Variants in OPTN observed in about 807,000 individuals in gnomAD.
OPTN encodes the protein optineurin, also known as E3-14.7K-interacting protein.
A neutral mutation model predicts 70.4 loss-of-function variants in OPTN; 54 were observed. The observed-to-expected ratio is 0.77, with a 90% confidence interval of 0.62 to 0.96. The LOEUF is 0.96. Among genes scored for constraint, OPTN ranks in the 40% least tolerant of loss-of-function variants. OPTN has a pLI of 0.00. For missense variants in OPTN, 624 were observed against 673.2 expected (o/e 0.93, Z 0.81); for synonymous variants, 256 against 248.5 (o/e 1.03, Z -0.28).
rs376178813 is a variant in OPTN at position 13,118,924 on chromosome 10, G to A, written c.663G>A (p.Gly221=). ...AATATAGGAGCAGATCTGCAGATGG[G>A]GCCAAGAATTACTTCGAACATGAGG... is the stretch of plus-strand genomic sequence containing the variant. ...LSKYRSRSAD[G]AKNYFEHEEL... Residue 221 remains glycine (G), a synonymous_variant, in exon 7 of 15, where the codon GGG becomes GGA. Transcript: ENST00000378747. 1.5e-5 allele frequency: 24 copies of A among 1,613,970 alleles called. No individual in the cohort carries two copies. Among genetic ancestry groups the A allele is most frequent in the African/African-American group, 2.7e-5 (2 of 74,918 alleles).
At position 13,104,254 on chromosome 10, in the gene OPTN, C is replaced by CT. The variant is rs60982439; in HGVS notation, c.-163-3863dup. On this transcript the variant is annotated intron_variant, in intron 1 of 14. Transcript: ENST00000378747. ...AAATCAGTTAAATTAGTTTTTTTTT[C>CT]TTTTTTTTTTTTTTTTTTTTTGTGA... 1.6e-3 allele frequency among the ~76,000 whole-genome samples: 154 copies of CT among 97,826 alleles called. 3 individuals are homozygous for CT. Among genetic ancestry groups the CT allele is most frequent in the African/African-American group, 5.7e-3 (142 of 25,128 alleles). The allele number at this position is 97,826 out of a possible 152,430, so 64.2% of individuals were successfully genotyped here.
chr10:13,111,683 G>A (rs1833002209), intron 4 of OPTN, among the ~76,000 whole-genome samples: 1 of 151,640 alleles, frequency 6.6e-6, no homozygotes, highest in Admixed American at 6.6e-5. Context: ...GCGACAGAGT[G>A]AGACTCTGTC....
rs1588438520 is a variant in OPTN, at chr10:13,114,823, T to TGTAGA, written c.553-1444_553-1443insGTAGA. Among the ~76,000 whole-genome samples, 4 of 108,828 alleles carry TGTAGA rather than the reference T, an allele frequency of 3.7e-5. 2 individuals carry two copies. The East Asian group carries it at 1.1e-3, about 30-fold the overall frequency. 71.4% of individuals were successfully genotyped at this position (108,828 alleles called of 152,430 possible). A position where few individuals can be genotyped will look rare whatever the true frequency, so the allele number is the denominator to read the frequency against. On this transcript the variant is annotated intron_variant, in intron 5 of 14. Coordinates refer to ENST00000378747, the MANE Select transcript of OPTN (RefSeq NM_001008212.2). ...ATATACATATATATAATTATATAAT[T>TGTAGA]ATATAATTATATAATTATATAATTG...
intron 12 of OPTN, among the ~76,000 whole-genome samples, chr10:13,128,785 C>T (rs929485689): frequency 6.6e-6 from 1 of 151,880 alleles, no homozygotes; most frequent in Non-Finnish European, 1.5e-5. Flanking sequence ...TCAGGTGATC[C>T]ACCCACTTCC....
At chr10:13,123,518 G>A (rs563284573) in intron 8 of OPTN, among the ~76,000 whole-genome samples, 2 of 152,254 alleles carry the variant, frequency 1.3e-5, no homozygotes, top group Middle Eastern at 3.4e-3. Flanking sequence ...CCAGTAGCAG[G>A]GAAATATGGT....
chr10:13,104,884 G>A lies in OPTN; in HGVS notation c.-163-3254G>A, dbSNP rs138434140. 110 of 296,552 alleles carry A rather than the reference G, an allele frequency of 3.7e-4. 1 individual carries two copies. Among genetic ancestry groups the A allele is most frequent in the African/African-American group, 1.9e-3 (84 of 44,268 alleles). 18.4% of individuals were successfully genotyped at this position (296,552 alleles called of 1,614,324 possible). On this transcript the variant is annotated intron_variant, in intron 1 of 14. Transcript: ENST00000378747. ...CATGGGGGTGACCAGGGGCCCGACC[G>A]CAGGACCGGGAGGCGAGTCGGCCAG...
intron 12 of OPTN, 105 bp downstream of exon 12, chr10:13,128,008 AT>A: frequency 2.2e-6 from 3 of 1,355,666 alleles, no homozygotes; most frequent in Non-Finnish European, 3.1e-6. Context: ...TATTTTATAT[AT>A]TTTTTCACCC....
intron 11 of OPTN, 21 bp downstream of exon 11, chr10:13,126,060 C>A: frequency 2.2e-6 from 3 of 1,374,450 alleles, no homozygotes; most frequent in Non-Finnish European, 3.1e-6. Context: ...AAAAAAATTA[C>A]TTCCATAGCC....
intron 5 of OPTN, among the ~76,000 whole-genome samples, chr10:13,115,240 T>TATTTACATATATATATAAATATAG (rs1564359523): frequency 2.3e-5 from 2 of 86,338 alleles, no homozygotes; most frequent in African/African-American, 9.8e-5. Flanking sequence ...GATATATCTA[T>TATTTACATATATATATAAATATAG]ATATATCTAT....
At chr10:13,102,948 A>T (rs527452946) in intron 1 of OPTN, among the ~76,000 whole-genome samples, 95 of 16,516 alleles carry the variant, frequency 5.8e-3, no homozygotes, top group African/African-American at 7.1e-3. Context: ...GTCTTAATTT[A>T]AAAAAAAAAA....
At chr10:13,132,313 A>T in intron 13 of OPTN, 116 bp downstream of exon 13, 2 of 1,083,932 alleles carry the variant, frequency 1.8e-6, no homozygotes, top group Admixed American at 2.1e-5. Flanking sequence ...GCGCCACTGC[A>T]CTCCTGCCTA....
chr10:13,128,923 C>CA (rs1833532307), intron 12 of OPTN, among the ~76,000 whole-genome samples: 1 of 152,228 alleles, frequency 6.6e-6, no homozygotes, highest in African/African-American at 2.4e-5. Context: ...TTTTCACTCT[C>CA]ATAAAGGTGT....
intron 9 of OPTN, among the ~76,000 whole-genome samples, chr10:13,125,171 A>G (rs1833431284): frequency 1.3e-5 from 2 of 152,232 alleles, no homozygotes; most frequent in African/African-American, 4.8e-5. Flanking sequence ...GACTAGTTTA[A>G]ACAATTATTC....
At chr10:13,131,057 C>T (rs1833583897) in intron 12 of OPTN, among the ~76,000 whole-genome samples, 1 of 152,100 alleles carries the variant, frequency 6.6e-6, no homozygotes, top group African/African-American at 2.4e-5. Flanking sequence ...GTAGCTGGAA[C>T]TACAAGTGCA....
chr10:13,137,291 G>T lies in OPTN; in HGVS notation c.*425G>T, dbSNP rs1351669450. 3 of 308,762 alleles carry T rather than the reference G, an allele frequency of 9.7e-6. No individual in the cohort carries two copies. Among genetic ancestry groups the T allele is most frequent in the Non-Finnish European group, 1.8e-5 (3 of 163,524 alleles). 19.1% of individuals were successfully genotyped at this position (308,762 alleles called of 1,614,324 possible). A position where few individuals can be genotyped will look rare whatever the true frequency, so the allele number is the denominator to read the frequency against. ...GAGACTCTGTCTCGAAAGAAAGAAA[G>T]AAAAAAAGGAAGGAAGGAGAAGGAA... On this transcript the variant is annotated 3_prime_UTR_variant, in exon 15 of 15. Coordinates refer to ENST00000378747, the MANE Select transcript of OPTN (RefSeq NM_001008212.2).
At chr10:13,110,208 G>T (rs767361319) in intron 3 of OPTN, 66 bp from the exon 4 acceptor site, 2 of 1,591,512 alleles carry the variant, frequency 1.3e-6, no homozygotes, top group Non-Finnish European at 1.7e-6. Flanking sequence ...ACTAGAGGGA[G>T]ATTTGGTTCA....
At chr10:13,108,843 G>A in intron 2 of OPTN, 1 of 419,682 alleles carries the variant, frequency 2.4e-6, no homozygotes, top group Non-Finnish European at 4.5e-6. Context: ...ACCACGCCCG[G>A]CCCTCATTGT....
At position 13,136,774 on chromosome 10, in the gene OPTN, C is replaced by A. The variant is rs767360238; in HGVS notation, c.1642C>A (p.Arg548=). The A allele has an allele frequency of 2.5e-6, 4 of 1,613,970 alleles. No individual in the cohort carries two copies. The highest frequency in any genetic ancestry group is 3.4e-6 in the Non-Finnish European group (4 of 1,179,984). ...GAEDRDWRQQ[R]NIPIHSCPKC... ...TGAGGACAGGGACTGGCGGCAACAG[C>A]GGAATATTCCGATTCATTCCTGCCC... Residue 548 remains arginine, a synonymous_variant, in exon 15 of 15, where the codon CGG becomes AGG. Coordinates refer to ENST00000378747, the MANE Select transcript of OPTN (RefSeq NM_001008212.2).
intron 14 of OPTN, among the ~76,000 whole-genome samples, chr10:13,134,452 A>C (rs1385848897): frequency 6.6e-6 from 1 of 152,000 alleles, no homozygotes; most frequent in East Asian, 1.9e-4. Flanking sequence ...TTTTATTTTG[A>C]GACAGGGTCC....
Sources: gnomAD v4.1 joint callset for allele counts (sites outside exome capture counted in the v4.1 genomes callset) on GRCh38, gnomAD v4.1.1 for gene constraint, MANE v1.5 for transcripts, NCBI Gene and HGNC (gene_info 2026-07-23, HGNC 2026-07-21) for gene names.